RYR3: variants seen among roughly 807,000 people sequenced by gnomAD.
The protein encoded by RYR3 is ryanodine receptor 3.
In RYR3, 207 loss-of-function variants were observed where a neutral mutation model predicts 584.3. The ratio of observed to expected loss-of-function variants is 0.35; its 90% CI spans 0.32 to 0.40. The LOEUF (loss-of-function observed/expected upper bound fraction) is 0.40, where lower values mean the gene tolerates loss of function less well. Among genes scored for constraint, RYR3 ranks in the 10% least tolerant of loss-of-function variants. RYR3 has a pLI of 1.00. For synonymous variants in RYR3, 2,416 were observed against 2,248.5 expected, an observed-to-expected ratio of 1.07 and a Z score of -2.11; for missense variants, 5,616 against 6,089.2, an observed-to-expected ratio of 0.92 and a Z score of 2.59.
rs991052979 is a variant in RYR3, at chr15:33,806,338, G to A, written c.10012-1217G>A. On this transcript the variant is annotated intron_variant, in intron 69 of 103. Transcript: ENST00000634891. ...GTGGGGAGATGCAATGATTTTGAAG[G>A]TATAAGAATCTGTACATTTCTATTA... is the stretch of plus-strand genomic sequence containing the variant. 2.6e-5 allele frequency among the ~76,000 whole-genome samples: 4 copies of A among 152,198 alleles called. No homozygotes were observed. In the South Asian group the frequency reaches 8.3e-4, roughly 32 times the overall value.
chr15:33,813,195 T>C lies in RYR3; in HGVS notation c.10389+201T>C, dbSNP rs575771091. Among the ~76,000 whole-genome samples, 46 of 152,340 alleles carry C rather than the reference T, an allele frequency of 3.0e-4. 1 individual carries two copies. In the East Asian group the frequency reaches 7.5e-3, roughly 25 times the overall value. On this transcript the variant is annotated intron_variant, in intron 73 of 103. Transcript: ENST00000634891. ...CTCCATTATTTCCCCTGCCAGTGTT[T>C]TGTGCATTCTTGCCATTAGCTCAAA...
At chr15:33,394,002 G>T (rs2141306155) in intron 1 of RYR3, among the ~76,000 whole-genome samples, 1 of 152,240 alleles carries the variant, frequency 6.6e-6, no homozygotes, top group East Asian at 1.9e-4. Flanking sequence ...TTTTCCTATG[G>T]TCATCCACCT....
intron 3 of RYR3, among the ~76,000 whole-genome samples, chr15:33,512,779 G>A (rs1219619850): frequency 6.6e-6 from 1 of 152,166 alleles, no homozygotes; most frequent in Non-Finnish European, 1.5e-5. Context: ...GGTGGTGGTG[G>A]TTGTTTCTAT....
At chr15:33,639,187 G>T (rs983244424) in intron 27 of RYR3, among the ~76,000 whole-genome samples, 2 of 152,178 alleles carry the variant, frequency 1.3e-5, no homozygotes, top group Non-Finnish European at 2.9e-5. Context: ...TGTCCCATAG[G>T]CCTGTTGTGT....
intron 67 of RYR3, among the ~76,000 whole-genome samples, chr15:33,790,831 G>A (rs1240018024): frequency 2.6e-5 from 4 of 152,162 alleles, no homozygotes; most frequent in African/African-American, 9.7e-5. Context: ...ATGAGACTGA[G>A]AGGGAGAAAC....
At chr15:33,413,347 C>T (rs1337201479) in intron 1 of RYR3, among the ~76,000 whole-genome samples, 1 of 152,288 alleles carries the variant, frequency 6.6e-6, no homozygotes, top group Middle Eastern at 3.4e-3. Context: ...AGTGTGACTT[C>T]CAAAAAGGTG....
intron 43 of RYR3, among the ~76,000 whole-genome samples, chr15:33,714,723 C>T (rs2067373227): frequency 6.6e-6 from 1 of 152,212 alleles, no homozygotes; most frequent in South Asian, 2.1e-4. Context: ...TTTGCTGAAT[C>T]TGCTTTCCTA....
At chr15:33,329,928 C>T (rs139278104) in intron 1 of RYR3, among the ~76,000 whole-genome samples, 20 of 152,126 alleles carry the variant, frequency 1.3e-4, no homozygotes, top group Middle Eastern at 6.8e-3. Context: ...AGTTGGGAGT[C>T]GGGAAGGAAA....
chr15:33,579,001 G>T (rs1443480398), intron 12 of RYR3, among the ~76,000 whole-genome samples: 2 of 152,126 alleles, frequency 1.3e-5, no homozygotes, highest in African/African-American at 4.8e-5. Context: ...TGTTGAAGGG[G>T]TTTAATTACA....
At chr15:33,323,912 C>T (rs759754434) in intron 1 of RYR3, among the ~76,000 whole-genome samples, 33 of 152,246 alleles carry the variant, frequency 2.2e-4, no homozygotes, top group South Asian at 2.1e-4. Flanking sequence ...AAGAGGCTCC[C>T]GGATCTAGTC....
At position 33,788,318 on chromosome 15, in the gene RYR3, G is replaced by T. The variant is rs752845525; in HGVS notation, c.9690G>T (p.Val3230=). ...EKLKKKAVKT[V]QEEEQLKADG... ...TGAAGAAAAAGGCTGTCAAGACGGTGCAGGAGGAGGAGCAGTTGAAAGCCG... is the reference window on the plus strand; with the variant it reads ...TGAAGAAAAAGGCTGTCAAGACGGTTCAGGAGGAGGAGCAGTTGAAAGCCG... Residue 3230 remains valine (V), a synonymous_variant, in exon 67 of 104, where the codon GTG becomes GTT. Coordinates refer to ENST00000634891, the MANE Select transcript of RYR3 (RefSeq NM_001036.6). The T allele has an allele frequency of 1.9e-6, 3 of 1,614,014 alleles. No homozygotes were observed. The Admixed American group carries it at 5.0e-5, about 27-fold the overall frequency.
rs572465920 is a variant in RYR3, at chr15:33,625,072, C to G, written c.2574+1049C>G. ...ATAAAGAAAAGAGGTTTAGTTGACT[C>G]ACAGTTCTGCATGGCTGGGGAGGCC... On this transcript the variant is annotated intron_variant, in intron 20 of 103. Transcript: ENST00000634891. Among the ~76,000 whole-genome samples the G allele has an allele frequency of 3.3e-5, 5 of 152,294 alleles. No homozygotes were observed. The South Asian group carries it at 6.2e-4, about 19-fold the overall frequency.
intron 72 of RYR3, among the ~76,000 whole-genome samples, chr15:33,812,048 G>T (rs1209881051): frequency 6.6e-6 from 1 of 152,076 alleles, no homozygotes; most frequent in Non-Finnish European, 1.5e-5. Flanking sequence ...AAATCTTAGG[G>T]GCTTGGTTTT....
intron 67 of RYR3, among the ~76,000 whole-genome samples, chr15:33,790,982 G>A (rs1410112714): frequency 1.3e-5 from 2 of 152,204 alleles, no homozygotes; most frequent in African/African-American, 2.4e-5. Flanking sequence ...ATTATATTAA[G>A]CAGCTCATTA....
In RYR3 at chr15:33,810,536, A is replaced by G; in HGVS notation, c.10084A>G (p.Ile3362Val). The G allele has an allele frequency of 6.2e-7, 1 of 1,614,006 alleles. No individual in the cohort carries two copies. The highest frequency in any genetic ancestry group is 1.3e-5 in the African/African-American group (1 of 75,062). ...KTKRRGDLYSIQTSLIVAALK... is the reference protein window; with the variant it reads ...KTKRRGDLYSVQTSLIVAALK... ...AAAGCGGCGGGGAGACTTGTATTCC[A>G]TCCAGACCTCCCTCATCGTGGCTGC... The change falls in exon 71 of 104, where the codon ATC (isoleucine) becomes GTC (valine). Residue 3362 changes from isoleucine to valine, a missense_variant. By Grantham distance (29) the Ile-to-Val change is conservative (BLOSUM62 3). Transcript: ENST00000634891.
intron 38 of RYR3, among the ~76,000 whole-genome samples, chr15:33,684,345 G>A (rs994637303): frequency 2.4e-4 from 36 of 152,176 alleles, no homozygotes; most frequent in African/African-American, 8.5e-4. Context: ...TGATACCCAG[G>A]CAAACAGAGT....
intron 1 of RYR3, among the ~76,000 whole-genome samples, chr15:33,441,916 A>G (rs942561342): frequency 1.3e-5 from 2 of 152,182 alleles, no homozygotes; most frequent in African/African-American, 4.8e-5. Flanking sequence ...GAGAAAAAAC[A>G]CTTTCATTGT....
intron 43 of RYR3, among the ~76,000 whole-genome samples, chr15:33,713,528 T>G (rs1158099517): frequency 6.6e-6 from 1 of 151,666 alleles, no homozygotes; most frequent in Non-Finnish European, 1.5e-5. Flanking sequence ...GTGAGGGTTG[T>G]GGTGAGGATA....
intron 15 of RYR3, among the ~76,000 whole-genome samples, chr15:33,585,290 T>C (rs751088478): frequency 5.9e-5 from 9 of 152,134 alleles, no homozygotes; most frequent in Non-Finnish European, 1.3e-4. Flanking sequence ...TATGAAAACA[T>C]TGAGAAAAAA....
Sources: gnomAD v4.1 joint callset for allele counts (sites outside exome capture counted in the v4.1 genomes callset) on GRCh38, gnomAD v4.1.1 for gene constraint, MANE v1.5 for transcripts, NCBI Gene and HGNC (gene_info 2026-07-23, HGNC 2026-07-21) for gene names.